Variants in FHIT observed in about 807,000 individuals in gnomAD.
FHIT encodes fragile histidine triad diadenosine triphosphatase.
A neutral mutation model predicts 17.9 loss-of-function variants in FHIT; 19 were observed. The observed-to-expected ratio is 1.06, with a 90% CI of 0.74 to 1.56. The LOEUF is 1.56. Among genes scored for constraint, FHIT ranks in the 40% most tolerant of loss-of-function variants. The probability of loss-of-function intolerance (pLI) is 0.00; values close to 1 mark genes in which losing one functional copy is unlikely to be tolerated. For missense variants in FHIT, 248 were observed against 189.2 expected, an observed-to-expected ratio of 1.31 and a Z score of -1.82; for synonymous variants, 81 against 69.7, an observed-to-expected ratio of 1.16 and a Z score of -0.81.
At chr3:60,323,862 C>A (rs1184654345) in intron 5 of FHIT, among the ~76,000 whole-genome samples, 2 of 152,116 alleles carry the variant, frequency 1.3e-5, no homozygotes, top group Admixed American at 6.6e-5. Flanking sequence ...CCTGCCCACG[C>A]TTTGTTATAA....
At chr3:60,012,775 A>G (rs780383076) in intron 6 of FHIT, among the ~76,000 whole-genome samples, 2 of 152,204 alleles carry the variant, frequency 1.3e-5, no homozygotes, top group Non-Finnish European at 2.9e-5. Context: ...TGCATATACG[A>G]AAGTACTCTA....
intron 3 of FHIT, among the ~76,000 whole-genome samples, chr3:61,035,263 C>T (rs1310665523): frequency 6.6e-6 from 1 of 152,130 alleles, no homozygotes; most frequent in Non-Finnish European, 1.5e-5. Context: ...GGATTGCTCA[C>T]TTTAAAATGG....
At chr3:61,213,649 A>G (rs1405337481) in intron 1 of FHIT, among the ~76,000 whole-genome samples, 1 of 152,250 alleles carries the variant, frequency 6.6e-6, no homozygotes, top group African/African-American at 2.4e-5. Flanking sequence ...CTCTGCACCA[A>G]GCAGACCTAA....
At chr3:60,646,916 G>A (rs2039872648) in intron 4 of FHIT, among the ~76,000 whole-genome samples, 1 of 152,188 alleles carries the variant, frequency 6.6e-6, no homozygotes, top group Non-Finnish European at 1.5e-5. Flanking sequence ...AGCATATAGA[G>A]CGAAACTGCA....
At chr3:60,254,441 C>T (rs1414669896) in intron 5 of FHIT, among the ~76,000 whole-genome samples, 2 of 152,060 alleles carry the variant, frequency 1.3e-5, no homozygotes, top group East Asian at 3.8e-4. Context: ...AAACGCACAG[C>T]AGAGACAAGA....
At chr3:60,949,806 A>G (rs1708800230) in intron 3 of FHIT, among the ~76,000 whole-genome samples, 1 of 152,198 alleles carries the variant, frequency 6.6e-6, no homozygotes, top group Non-Finnish European at 1.5e-5. Flanking sequence ...GAAAAGGTCA[A>G]AAGAGTTTGG....
At chr3:60,803,010 C>T (rs781904054) in intron 4 of FHIT, among the ~76,000 whole-genome samples, 2 of 151,076 alleles carry the variant, frequency 1.3e-5, no homozygotes, top group East Asian at 1.9e-4. Context: ...CAAACCAAAC[C>T]GAAATAAATA....
chr3:59,900,669 A>C (rs6795827), intron 8 of FHIT, among the ~76,000 whole-genome samples: 8,901 of 152,194 alleles, frequency 0.058, 600 homozygotes, highest in African/African-American at 0.17. Context: ...GCTGGAGTGC[A>C]GTGGTGCGAT....
chr3:60,038,349 C>T (rs983849728), intron 5 of FHIT, among the ~76,000 whole-genome samples: 1 of 152,088 alleles, frequency 6.6e-6, no homozygotes, highest in African/African-American at 2.4e-5. Flanking sequence ...ATGAAATCTG[C>T]CAAGCCTATT....
At chr3:60,691,769 T>C (rs9824756) in intron 4 of FHIT, among the ~76,000 whole-genome samples, 15,540 of 152,184 alleles carry the variant, frequency 0.1, 1,645 homozygotes, top group African/African-American at 0.27. Context: ...CTAATCCATC[T>C]CCTTTTCCAA....
chr3:61,036,901 G>GTTTTTTTTTTTTTTTTTT lies in FHIT; in HGVS notation c.-111+5145_-111+5146insAAAAAAAAAAAAAAAAAA, dbSNP rs746649804. Among the ~76,000 whole-genome samples the GTTTTTTTTTTTTTTTTTT allele has an allele frequency of 7.4e-4, 52 of 70,302 alleles. 2 individuals carry two copies. The highest frequency in any genetic ancestry group is 1.4e-3 in the African/African-American group (44 of 31,320). The allele number at this position is 70,302 out of a possible 152,430, so 46.1% of individuals were successfully genotyped here. A position where few individuals can be genotyped will look rare whatever the true frequency, so the allele number is the denominator to read the frequency against. ...TTCACCTCAAAGATCAGTCTGCTTT[G>GTTTTTTTTTTTTTTTTTT]TTTTTTTTTTTTGTTTGTTTGTTTT... On this transcript the variant is annotated intron_variant, in intron 3 of 9. Transcript: ENST00000492590.
At chr3:60,289,156 A>T (rs1352236347) in intron 5 of FHIT, among the ~76,000 whole-genome samples, 1 of 152,224 alleles carries the variant, frequency 6.6e-6, no homozygotes, top group African/African-American at 2.4e-5. Flanking sequence ...TAAGAAGACC[A>T]TTCTAGTATT....
intron 5 of FHIT, among the ~76,000 whole-genome samples, chr3:60,233,749 G>A (rs1704621086): frequency 6.6e-6 from 1 of 152,056 alleles, no homozygotes. Flanking sequence ...ATTGAATCAT[G>A]GGGGCAGGTC....
At chr3:60,656,261 A>G (rs2040113290) in intron 4 of FHIT, among the ~76,000 whole-genome samples, 1 of 152,184 alleles carries the variant, frequency 6.6e-6, no homozygotes, top group Admixed American at 6.5e-5. Context: ...TTCCTATCCC[A>G]GAACTAGATT....
intron 5 of FHIT, among the ~76,000 whole-genome samples, chr3:60,441,823 T>C (rs1352399879): frequency 7.8e-6 from 1 of 127,926 alleles, no homozygotes; most frequent in African/African-American, 2.9e-5. Flanking sequence ...TATCAGGTCA[T>C]TTTTCCTCCC....
rs377585066 is a variant in FHIT at position 60,904,031 on chromosome 3, C to T, written c.-110-82020G>A. Among the ~76,000 whole-genome samples, 5 of 152,308 alleles carry T rather than the reference C, an allele frequency of 3.3e-5. No homozygotes were observed. In the East Asian group the frequency reaches 9.7e-4, roughly 29 times the overall value. ...TTTCTCATACCTGACAACCTATAAACGAGAAAGAGTATCACTTGTTTGTCC... is the reference window on the plus strand; with the variant it reads ...TTTCTCATACCTGACAACCTATAAATGAGAAAGAGTATCACTTGTTTGTCC... On this transcript the variant is annotated intron_variant, in intron 3 of 9. Transcript: ENST00000492590.
chr3:60,394,534 A>G (rs1413974494), intron 5 of FHIT, among the ~76,000 whole-genome samples: 1 of 152,146 alleles, frequency 6.6e-6, no homozygotes, highest in East Asian at 1.9e-4. Context: ...GCGGCAGTGG[A>G]GAGCCATGGT....
chr3:60,593,973 TCTATCGA>T (rs1416488388), intron 4 of FHIT, among the ~76,000 whole-genome samples: 1 of 152,122 alleles, frequency 6.6e-6, no homozygotes, highest in Admixed American at 6.6e-5. Flanking sequence ...TTCCCAATGC[TCTATCGA>T]CTTCTCATGG....
intron 3 of FHIT, among the ~76,000 whole-genome samples, chr3:61,036,847 A>T (rs998452838): frequency 4.6e-5 from 7 of 151,454 alleles, no homozygotes; most frequent in Non-Finnish European, 1.0e-4. Context: ...TTTCTCACTG[A>T]CTTGCCATTA....
Sources: gnomAD v4.1 joint callset for allele counts (sites outside exome capture counted in the v4.1 genomes callset) on GRCh38, gnomAD v4.1.1 for gene constraint, MANE v1.5 for transcripts, NCBI Gene and HGNC (gene_info 2026-07-23, HGNC 2026-07-21) for gene names.